The following DLG2 variants were observed in gnomAD, a reference collection of about 807,000 sequenced individuals.
DLG2 encodes disks large homolog 2.
A neutral mutation model predicts 132.5 loss-of-function variants in DLG2; 45 were observed. That is an observed-to-expected ratio of 0.34 (90% confidence interval 0.27 to 0.44). The LOEUF (loss-of-function observed/expected upper bound fraction) is 0.44. Ranked by LOEUF, DLG2 falls within the 20% of genes least tolerant of loss-of-function variation. The pLI, the probability that DLG2 is intolerant of heterozygous loss-of-function variation, is 1.00. For synonymous variants in DLG2, 424 were observed against 419.6 expected, an observed-to-expected ratio of 1.01 and a Z score of -0.13; for missense variants, 1,045 against 1,196.9, an observed-to-expected ratio of 0.87 and a Z score of 1.87.
At chr11:83,979,165 C>T (rs1319588879) in intron 12 of DLG2, among the ~76,000 whole-genome samples, 1 of 152,026 alleles carries the variant, frequency 6.6e-6, no homozygotes, top group Non-Finnish European at 1.5e-5. Context: ...AGGTCATTGG[C>T]AACTATGAAA....
intron 6 of DLG2, among the ~76,000 whole-genome samples, chr11:85,003,700 G>A (rs1377278458): frequency 6.6e-6 from 1 of 151,884 alleles, no homozygotes; most frequent in Non-Finnish European, 1.5e-5. Flanking sequence ...ATAGATAGAT[G>A]GATAATTAGT....
intron 6 of DLG2, among the ~76,000 whole-genome samples, chr11:85,075,443 C>A (rs961140796): frequency 6.6e-6 from 1 of 151,726 alleles, no homozygotes; most frequent in African/African-American, 2.4e-5. Context: ...GTGGTATAGC[C>A]AAACCACTTA....
intron 3 of DLG2, among the ~76,000 whole-genome samples, chr11:85,522,758 T>G (rs1402658135): frequency 1.3e-5 from 2 of 152,192 alleles, no homozygotes; most frequent in African/African-American, 4.8e-5. Context: ...TAGCCCTTTG[T>G]TTTGGCCAAT....
intron 7 of DLG2, among the ~76,000 whole-genome samples, chr11:84,322,900 G>A (rs2098412445): frequency 6.6e-6 from 1 of 152,096 alleles, no homozygotes; most frequent in South Asian, 2.1e-4. Flanking sequence ...GATAATTTCA[G>A]AAGATAATAA....
At chr11:84,658,630 T>G (rs1449087039) in intron 6 of DLG2, among the ~76,000 whole-genome samples, 1 of 152,128 alleles carries the variant, frequency 6.6e-6, no homozygotes, top group Non-Finnish European at 1.5e-5. Context: ...GAGTTAGTTC[T>G]CACTCTATTA....
intron 11 of DLG2, among the ~76,000 whole-genome samples, chr11:84,004,544 A>C (rs1465856842): frequency 2.6e-5 from 4 of 151,884 alleles, no homozygotes; most frequent in Non-Finnish European, 5.9e-5. Flanking sequence ...AATGCCCACA[A>C]AATACTACAC....
chr11:84,243,374 T>C (rs1330929269), intron 8 of DLG2, among the ~76,000 whole-genome samples: 1 of 149,150 alleles, frequency 6.7e-6, no homozygotes, highest in Non-Finnish European at 1.5e-5. Flanking sequence ...TAGTAGTTGT[T>C]CATAGTGTGT....
At chr11:84,076,554 A>G (rs2096832633) in intron 10 of DLG2, among the ~76,000 whole-genome samples, 1 of 152,188 alleles carries the variant, frequency 6.6e-6, no homozygotes, top group Non-Finnish European at 1.5e-5. Flanking sequence ...AATTAGTCTA[A>G]TGGCTTCTGG....
chr11:84,797,939 G>C (rs942763575), intron 6 of DLG2, among the ~76,000 whole-genome samples: 2 of 152,132 alleles, frequency 1.3e-5, no homozygotes, highest in African/African-American at 4.8e-5. Flanking sequence ...GTACCACTAT[G>C]GTGGTCTTGG....
intron 6 of DLG2, among the ~76,000 whole-genome samples, chr11:84,596,110 T>C (rs1224779456): frequency 6.6e-6 from 1 of 152,160 alleles, no homozygotes; most frequent in Non-Finnish European, 1.5e-5. Flanking sequence ...AAACATTTAT[T>C]AGGCAACTTA....
chr11:85,222,116 TTTTGTTTGTTTG>T (rs760445905), intron 4 of DLG2, among the ~76,000 whole-genome samples: 1 of 151,898 alleles, frequency 6.6e-6, no homozygotes, highest in African/African-American at 2.4e-5. Flanking sequence ...CATTTCGGTT[TTTTGTTTGTTTG>T]TTTGTTTGTT....
At position 84,307,695 on chromosome 11, in the gene DLG2, C is replaced by CAAAAAAAAA. The variant is rs1222486667; in HGVS notation, c.520-56413_520-56405dup. On this transcript the variant is annotated intron_variant, in intron 7 of 27. Coordinates refer to ENST00000376104, the MANE Select transcript of DLG2 (RefSeq NM_001142699.3). Reference sequence around the variant, plus strand: ...TGGGTGAAAGAGCGAGACGCAGTCTCAAAAAAAAAAAAAAAAAAAAAGAAG... The same window carrying CAAAAAAAAA: ...TGGGTGAAAGAGCGAGACGCAGTCTCAAAAAAAAAAAAAAAAAAAAAAAAAAAAAAGAAG... Among the ~76,000 whole-genome samples the CAAAAAAAAA allele has an allele frequency of 2.1e-3, 160 of 77,946 alleles. 2 individuals are homozygous for CAAAAAAAAA. Among genetic ancestry groups the CAAAAAAAAA allele is most frequent in the African/African-American group, 7.5e-3 (139 of 18,472 alleles). 51.1% of individuals were successfully genotyped at this position (77,946 alleles called of 152,430 possible).
intron 6 of DLG2, among the ~76,000 whole-genome samples, chr11:84,841,088 A>G (rs1014662835): frequency 3.3e-5 from 5 of 151,942 alleles, no homozygotes; most frequent in Non-Finnish European, 7.4e-5. Context: ...AAAAGAGTGC[A>G]GTAAAAATGA....
intron 6 of DLG2, among the ~76,000 whole-genome samples, chr11:84,987,544 C>G (rs1053508341): frequency 1.3e-5 from 2 of 152,182 alleles, no homozygotes; most frequent in Admixed American, 1.3e-4. Context: ...GTCACCAAAA[C>G]AGCATGGTTC....
chr11:85,604,041 TTCAC>T (rs1217791683), intron 2 of DLG2, among the ~76,000 whole-genome samples: 3 of 152,196 alleles, frequency 2.0e-5, no homozygotes, highest in Non-Finnish European at 4.4e-5. Flanking sequence ...TAAGGGGAAT[TTCAC>T]TCACTCATTT....
intron 7 of DLG2, among the ~76,000 whole-genome samples, chr11:84,304,062 A>G (rs1480144183): frequency 1.3e-5 from 2 of 152,244 alleles, no homozygotes; most frequent in Non-Finnish European, 2.9e-5. Flanking sequence ...AAGTATCAAT[A>G]CTTATCCATA....
chr11:83,670,627 C>CA (rs1016862121), intron 18 of DLG2, among the ~76,000 whole-genome samples: 7 of 151,154 alleles, frequency 4.6e-5, no homozygotes, highest in African/African-American at 9.7e-5. Flanking sequence ...AACCAAAACA[C>CA]AAAAAAACCC....
At chr11:83,802,311 AC>A (rs1196013758) in intron 17 of DLG2, among the ~76,000 whole-genome samples, 1 of 152,020 alleles carries the variant, frequency 6.6e-6, no homozygotes, top group African/African-American at 2.4e-5. Context: ...CTAAATTCCT[AC>A]CCTTCAAGAT....
intron 6 of DLG2, among the ~76,000 whole-genome samples, chr11:85,051,394 C>T (rs1025338946): frequency 1.3e-5 from 2 of 151,872 alleles, no homozygotes; most frequent in African/African-American, 4.8e-5. Context: ...ATATAAATTC[C>T]CTCCCCAAGA....
Sources: allele counts gnomAD v4.1 joint callset (sites outside exome capture counted in the v4.1 genomes callset), GRCh38; gene constraint gnomAD v4.1.1; transcripts MANE v1.5; gene names NCBI Gene and HGNC (gene_info 2026-07-23, HGNC 2026-07-21).